GPC6: variants seen among roughly 807,000 people sequenced by gnomAD.
GPC6 encodes the protein glypican 6, also known as glypican-6.
In GPC6, 14 loss-of-function variants were observed where a neutral mutation model predicts 55.2. That is an observed-to-expected ratio of 0.25 (90% confidence interval 0.17 to 0.40). The LOEUF (loss-of-function observed/expected upper bound fraction) is 0.40. Among genes scored for constraint, GPC6 ranks in the 10% least tolerant of loss-of-function variants. GPC6 has a pLI of 1.00. For missense variants in GPC6, 641 were observed against 708.5 expected, an observed-to-expected ratio of 0.90 and a Z score of 1.08; for synonymous variants, 278 against 259.6, an observed-to-expected ratio of 1.07 and a Z score of -0.68.
At chr13:93,526,385 G>C (rs918711489) in intron 1 of GPC6, among the ~76,000 whole-genome samples, 12 of 150,272 alleles carry the variant, frequency 8.0e-5, no homozygotes, top group African/African-American at 3.0e-4. Flanking sequence ...GATTAAAGAT[G>C]TAGACCCCGA....
At chr13:93,385,331 G>A (rs906188634) in intron 1 of GPC6, among the ~76,000 whole-genome samples, 10 of 152,242 alleles carry the variant, frequency 6.6e-5, no homozygotes, top group Admixed American at 5.9e-4. Context: ...CTGTCATGCC[G>A]CCTTTCATAA....
At chr13:94,388,961 A>G (rs1880529613) in intron 7 of GPC6, among the ~76,000 whole-genome samples, 1 of 152,212 alleles carries the variant, frequency 6.6e-6, no homozygotes, top group Non-Finnish European at 1.5e-5. Flanking sequence ...AAGAGCTAAT[A>G]CAGGATTTTT....
Position 93,828,708 on chromosome 13 carries a change from A to G in GPC6, c.320-1446A>G, listed in dbSNP as rs374245106. Reference sequence around the variant, plus strand: ...CTGCCACTGTAGCAACAGAATGTCTATTTAAAAATATATATATATTTCATA... The same window carrying G: ...CTGCCACTGTAGCAACAGAATGTCTGTTTAAAAATATATATATATTTCATA... On this transcript the variant is annotated intron_variant, in intron 2 of 8. Transcript: ENST00000377047. Among the ~76,000 whole-genome samples the G allele has an allele frequency of 4.0e-4, 61 of 152,306 alleles. 1 individual carries two copies. The East Asian group carries it at 0.01, about 25-fold the overall frequency.
chr13:93,820,715 A>G (rs969498141), intron 2 of GPC6, among the ~76,000 whole-genome samples: 1 of 151,276 alleles, frequency 6.6e-6, no homozygotes, highest in Non-Finnish European at 1.5e-5. Flanking sequence ...ACTCTTTTAA[A>G]TGTCAGAGTT....
intron 1 of GPC6, among the ~76,000 whole-genome samples, chr13:93,431,411 TTAAA>T (rs1442498127): frequency 8.5e-5 from 13 of 152,078 alleles, no homozygotes; most frequent in African/African-American, 2.9e-4. Context: ...ACTTTGAAAC[TTAAA>T]TAATTAAGTT....
At position 93,461,776 on chromosome 13, in the gene GPC6, A is replaced by G. The variant is rs142423834; in HGVS notation, c.161-83487A>G. The stretch of plus-strand genomic sequence containing the variant: ...AAGTCAACATTCTGTGCTCTGATGC[A>G]ATGCTGATTTTAAAAAATCATTCGT... On this transcript the variant is annotated intron_variant, in intron 1 of 8. Transcript: ENST00000377047. Among the ~76,000 whole-genome samples, 513 of 152,252 alleles carry G rather than the reference A, an allele frequency of 3.4e-3. 8 individuals are homozygous for G. Among genetic ancestry groups the G allele is most frequent in the Admixed American group, 0.023 (357 of 15,288 alleles).
chr13:94,122,841 A>G (rs1886683485), intron 4 of GPC6, among the ~76,000 whole-genome samples: 1 of 152,184 alleles, frequency 6.6e-6, no homozygotes, highest in East Asian at 1.9e-4. Context: ...ATACTTACTC[A>G]CTTTGTGTGT....
At chr13:93,477,958 A>C (rs188535706) in intron 1 of GPC6, among the ~76,000 whole-genome samples, 1 of 151,792 alleles carries the variant, frequency 6.6e-6, no homozygotes, top group Admixed American at 6.6e-5. Context: ...TATATAAGAT[A>C]GTTAATGGTA....
chr13:94,183,580 A>G (rs960876978), intron 4 of GPC6, among the ~76,000 whole-genome samples: 3 of 152,200 alleles, frequency 2.0e-5, no homozygotes, highest in African/African-American at 7.2e-5. Context: ...GTACATACCT[A>G]GGAGTGAAAT....
chr13:94,338,073 G>A (rs148439660), intron 6 of GPC6, among the ~76,000 whole-genome samples: 34 of 152,314 alleles, frequency 2.2e-4, no homozygotes, highest in South Asian at 1.0e-3. Flanking sequence ...ATTTCTTTCC[G>A]TGAGCATTGT....
chr13:94,253,486 AT>A (rs1891418929), intron 4 of GPC6, among the ~76,000 whole-genome samples: 1 of 152,096 alleles, frequency 6.6e-6, no homozygotes, highest in Non-Finnish European at 1.5e-5. Flanking sequence ...AGCTATCATG[AT>A]GTCAAAATAA....
At chr13:93,547,209 G>C (rs963142721) in intron 2 of GPC6, among the ~76,000 whole-genome samples, 2 of 151,502 alleles carry the variant, frequency 1.3e-5, no homozygotes, top group African/African-American at 2.4e-5. Context: ...AGCTGGGCGT[G>C]GTGCCAGGCG....
chr13:93,697,715 C>T (rs1176341249), intron 2 of GPC6, among the ~76,000 whole-genome samples: 1 of 152,100 alleles, frequency 6.6e-6, no homozygotes, highest in Non-Finnish European at 1.5e-5. Flanking sequence ...ATATAAATAT[C>T]ATAAATTGCA....
intron 4 of GPC6, among the ~76,000 whole-genome samples, chr13:94,209,433 C>T (rs1249735341): frequency 1.3e-5 from 2 of 152,182 alleles, no homozygotes; most frequent in African/African-American, 2.4e-5. Context: ...TCCAACATGG[C>T]TCCTTTCAGT....
chr13:93,277,420 A>G (rs1018154836), intron 1 of GPC6, among the ~76,000 whole-genome samples: 2 of 152,232 alleles, frequency 1.3e-5, no homozygotes, highest in Admixed American at 1.3e-4. Flanking sequence ...GACACTATAC[A>G]AATAGAAATG....
intron 2 of GPC6, among the ~76,000 whole-genome samples, chr13:93,723,498 T>C (rs1883523954): frequency 6.6e-6 from 1 of 151,968 alleles, no homozygotes; most frequent in East Asian, 1.9e-4. Context: ...AAGCCAAGCC[T>C]TCAGATAACT....
chr13:93,833,543 C>T (rs1405052274), intron 3 of GPC6, among the ~76,000 whole-genome samples: 1 of 149,402 alleles, frequency 6.7e-6, no homozygotes, highest in Non-Finnish European at 1.5e-5. Context: ...AACAAACTAG[C>T]TTATCTCCTG....
intron 4 of GPC6, among the ~76,000 whole-genome samples, chr13:94,040,139 T>TA (rs1392443281): frequency 2.0e-5 from 3 of 151,800 alleles, no homozygotes; most frequent in African/African-American, 7.3e-5. Flanking sequence ...AATCTAGAAT[T>TA]ACGTTCTTCT....
At chr13:93,589,325 C>G (rs962948967) in intron 2 of GPC6, among the ~76,000 whole-genome samples, 2 of 152,114 alleles carry the variant, frequency 1.3e-5, no homozygotes, top group African/African-American at 4.8e-5. Context: ...GCACTGAGTA[C>G]CTCTAAACCC....
Sources: gnomAD v4.1 joint callset for allele counts (sites outside exome capture counted in the v4.1 genomes callset) on GRCh38, gnomAD v4.1.1 for gene constraint, MANE v1.5 for transcripts, NCBI Gene and HGNC (gene_info 2026-07-23, HGNC 2026-07-21) for gene names.